The following PHAF1 variants were observed in gnomAD, a reference collection of about 807,000 sequenced individuals.
The protein encoded by PHAF1 is phagosome assembly factor 1.
Under a neutral mutation model 63.1 loss-of-function variants are expected in PHAF1, and 23 were observed. The observed-to-expected ratio is 0.36, with a 90% confidence interval of 0.26 to 0.52. PHAF1 has a LOEUF of 0.52. Ranked by LOEUF, PHAF1 falls within the 20% of genes least tolerant of loss-of-function variation. PHAF1 has a pLI of 0.93. For synonymous variants in PHAF1, 167 were observed against 185.0 expected (o/e 0.90, Z 0.79); for missense variants, 427 against 517.2 (o/e 0.83, Z 1.69).
At chr16:67,119,383 A>G (rs1311880143) in intron 1 of PHAF1, among the ~76,000 whole-genome samples, 2 of 152,126 alleles carry the variant, frequency 1.3e-5, no homozygotes, top group Non-Finnish European at 2.9e-5. Flanking sequence ...CCTTCCATGC[A>G]TGTCCAACCT....
rs775483894 is a variant in PHAF1, at chr16:67,110,137, T to A, written c.-39T>A. On this transcript the variant is annotated 5_prime_UTR_variant, in exon 1 of 16. Transcript: ENST00000219139. ...TCCTTAGCTCGGGTCCCTTCTGCGCTGCCGCAGGGAGGCCGCCCGGGCCAG... is the reference window on the plus strand; with the variant it reads ...TCCTTAGCTCGGGTCCCTTCTGCGCAGCCGCAGGGAGGCCGCCCGGGCCAG... The A allele has an allele frequency of 1.3e-6, 2 of 1,548,858 alleles. No individual in the cohort carries two copies. The highest frequency in any genetic ancestry group is 2.0e-5 in the Admixed American group (1 of 50,998).
chr16:67,139,789 T>A (rs1597213586), intron 8 of PHAF1, 195 bp from the exon 9 acceptor site: 2 of 599,864 alleles, frequency 3.3e-6, no homozygotes, highest in Non-Finnish European at 5.9e-6. Flanking sequence ...ATTGAATAAG[T>A]CCCTGGCATT....
At chr16:67,128,449 C>T (rs1419464652) in intron 3 of PHAF1, among the ~76,000 whole-genome samples, 1 of 152,210 alleles carries the variant, frequency 6.6e-6, no homozygotes, top group Non-Finnish European at 1.5e-5. Context: ...CCTGACCTAT[C>T]TTCCTGCCCT....
At chr16:67,119,254 T>G (rs1962877621) in intron 1 of PHAF1, among the ~76,000 whole-genome samples, 1 of 152,196 alleles carries the variant, frequency 6.6e-6, no homozygotes, top group Admixed American at 6.5e-5. Context: ...TCAGTGCTTT[T>G]CTTGCTTGGT....
chr16:67,117,657 G>A (rs958870208), intron 1 of PHAF1, among the ~76,000 whole-genome samples: 12 of 151,340 alleles, frequency 7.9e-5, no homozygotes, highest in African/African-American at 2.9e-4. Flanking sequence ...GGAGCCTGTG[G>A]TCTGAGGCAG....
rs878985174 is a variant in PHAF1 at position 67,148,094 on chromosome 16, G to A, written c.*963G>A. 2.6e-5 allele frequency: 4 copies of A among 152,630 alleles called. No homozygotes were observed. Among genetic ancestry groups the A allele is most frequent in the Non-Finnish European group, 5.9e-5 (4 of 68,040 alleles). 9.5% of individuals were successfully genotyped at this position (152,630 alleles called of 1,614,324 possible). A position where few individuals can be genotyped will look rare whatever the true frequency, so the allele number is the denominator to read the frequency against. On this transcript the variant is annotated 3_prime_UTR_variant, in exon 16 of 16. Coordinates refer to ENST00000219139, the MANE Select transcript of PHAF1 (RefSeq NM_025187.5). ...TAATCCTTTTGAAAAGAACTGAGAA[G>A]AAAAATGTATAATTTTATCCCATTT...
At chr16:67,111,474 C>T (rs1962513947) in intron 1 of PHAF1, among the ~76,000 whole-genome samples, 1 of 152,160 alleles carries the variant, frequency 6.6e-6, no homozygotes, top group Non-Finnish European at 1.5e-5. Context: ...ATCAGCTGCT[C>T]CATTGGATTA....
intron 6 of PHAF1, among the ~76,000 whole-genome samples, chr16:67,133,646 G>A (rs1348364814): frequency 1.3e-5 from 2 of 152,208 alleles, no homozygotes; most frequent in East Asian, 3.9e-4. Context: ...TGGGTGTGGT[G>A]GCGGGTGCCT....
Position 67,125,805 on chromosome 16 carries a change from T to G in PHAF1, c.148-154T>G, listed in dbSNP as rs563459395. On this transcript the variant is annotated intron_variant, in intron 2 of 15. Coordinates refer to ENST00000219139, the MANE Select transcript of PHAF1 (RefSeq NM_025187.5). ...AAAACACCATATGTTCATGCAGCAG[T>G]TTTTTTCTGGTTTCCAAGCACCATT... Among the ~76,000 whole-genome samples the G allele has an allele frequency of 7.2e-5, 11 of 152,292 alleles. No homozygotes were observed. In the East Asian group the frequency reaches 1.9e-3, roughly 27 times the overall value.
chr16:67,144,176 C>T (rs1963907866), intron 10 of PHAF1, 118 bp from the exon 11 acceptor site: 1 of 689,006 alleles, frequency 1.5e-6, no homozygotes, highest in African/African-American at 1.8e-5. Flanking sequence ...AAGGTGATGC[C>T]TGCAGGCATT....
At chr16:67,144,739 G>A in intron 11 of PHAF1, 95 bp from the exon 12 acceptor site, 2 of 1,399,562 alleles carry the variant, frequency 1.4e-6, no homozygotes, top group Non-Finnish European at 2.0e-6. Flanking sequence ...GGGCAGGTGT[G>A]TTTGGTTCTG....
At position 67,148,091 on chromosome 16, in the gene PHAF1, GAAGAA is replaced by G. The variant is rs922689065; in HGVS notation, c.*963_*967del. 15 of 152,596 alleles carry G rather than the reference GAAGAA, an allele frequency of 9.8e-5. No individual in the cohort carries two copies. The highest frequency in any genetic ancestry group is 2.7e-4 in the African/African-American group (11 of 41,428). 9.5% of individuals were successfully genotyped at this position (152,596 alleles called of 1,614,324 possible). ...TATTAATCCTTTTGAAAAGAACTGA[GAAGAA>G]AAATGTATAATTTTATCCCATTTTT... On this transcript the variant is annotated 3_prime_UTR_variant, in exon 16 of 16. Transcript: ENST00000219139.
At chr16:67,132,720 A>C in intron 5 of PHAF1, 97 bp from the exon 6 acceptor site, 1 of 1,218,772 alleles carries the variant, frequency 8.2e-7, no homozygotes, top group Non-Finnish European at 1.2e-6. Flanking sequence ...GCCACAGGGA[A>C]GGTGTTGTCA....
intron 1 of PHAF1, among the ~76,000 whole-genome samples, chr16:67,118,331 CTT>C (rs1054550338): frequency 2.7e-3 from 209 of 76,522 alleles, no homozygotes; most frequent in African/African-American, 0.012. Flanking sequence ...GCCCCTGTTG[CTT>C]TTTTTTTTTT....
chr16:67,146,231 G>C (rs1159326897), intron 14 of PHAF1, 47 bp from the exon 15 acceptor site: 1 of 1,544,456 alleles, frequency 6.5e-7, no homozygotes, highest in South Asian at 1.1e-5. Flanking sequence ...TTGCTTTAAG[G>C]CCGTGGCCTC....
At chr16:67,121,300 T>TC (rs1397138975) in intron 2 of PHAF1, among the ~76,000 whole-genome samples, 3 of 151,026 alleles carry the variant, frequency 2.0e-5, no homozygotes, top group Admixed American at 1.3e-4. Flanking sequence ...CCCGCCATTC[T>TC]CCTGCCTCAG....
At chr16:67,119,522 C>CTT (rs540049566) in intron 1 of PHAF1, among the ~76,000 whole-genome samples, 12 of 138,616 alleles carry the variant, frequency 8.7e-5, no homozygotes, top group Admixed American at 1.5e-4. Flanking sequence ...TCATACGCAT[C>CTT]TTTTTTTTTT....
At chr16:67,137,683 T>TTC (rs1963661730) in intron 8 of PHAF1, among the ~76,000 whole-genome samples, 4 of 152,134 alleles carry the variant, frequency 2.6e-5, no homozygotes, top group African/African-American at 9.7e-5. Flanking sequence ...TGTGGTTTTT[T>TTC]CCCAAGAGGA....
rs897280244 is a variant in PHAF1 at position 67,124,106 on chromosome 16, GA to G, written c.148-1841del. On this transcript the variant is annotated intron_variant, in intron 2 of 15. Transcript: ENST00000219139. Reference sequence around the variant, plus strand: ...ATATCCTGAATTATAACAATGCCAGGAAAAAAAAAAAAGATCAGATCTTGGG... The same window carrying G: ...ATATCCTGAATTATAACAATGCCAGGAAAAAAAAAAAGATCAGATCTTGGG... 3.1e-3 allele frequency among the ~76,000 whole-genome samples: 448 copies of G among 142,904 alleles called. 3 individuals carry two copies. Among genetic ancestry groups the G allele is most frequent in the African/African-American group, 9.6e-3 (374 of 39,086 alleles). The allele number at this position is 142,904 out of a possible 152,430, so 93.8% of individuals were successfully genotyped here. A position where few individuals can be genotyped will look rare whatever the true frequency, so the allele number is the denominator to read the frequency against.
Sources: gnomAD v4.1 joint callset for allele counts (sites outside exome capture counted in the v4.1 genomes callset) on GRCh38, gnomAD v4.1.1 for gene constraint, MANE v1.5 for transcripts, NCBI Gene and HGNC (gene_info 2026-07-23, HGNC 2026-07-21) for gene names.